Variants in HDGFL2 observed in about 807,000 individuals in gnomAD.
The protein encoded by HDGFL2 is HDGF like 2.
In HDGFL2, 36 loss-of-function variants were observed where a neutral mutation model predicts 77.1. The observed-to-expected ratio is 0.47, with a 90% CI of 0.36 to 0.62. The LOEUF (loss-of-function observed/expected upper bound fraction) is 0.62, where lower values mean the gene tolerates loss of function less well. Ranked by LOEUF, HDGFL2 falls within the 20% of genes least tolerant of loss-of-function variation. The pLI is 0.00. For missense variants in HDGFL2, 976 were observed against 973.4 expected, an observed-to-expected ratio of 1.00 and a Z score of -0.04; for synonymous variants, 463 against 413.1, an observed-to-expected ratio of 1.12 and a Z score of -1.46.
chr19:4,477,637 C>G (rs1221313890), intron 3 of HDGFL2, among the ~76,000 whole-genome samples: 1 of 152,162 alleles, frequency 6.6e-6, no homozygotes, highest in African/African-American at 2.4e-5. Flanking sequence ...CTACAGCTTG[C>G]TAAGCATTAT....
chr19:4,474,099 G>A (rs1402358772), intron 1 of HDGFL2, among the ~76,000 whole-genome samples: 1 of 152,056 alleles, frequency 6.6e-6, no homozygotes, highest in Admixed American at 6.5e-5. Flanking sequence ...GGGACCCCAG[G>A]CTATTGTCAT....
intron 3 of HDGFL2, among the ~76,000 whole-genome samples, chr19:4,483,322 C>T (rs904138763): frequency 1.3e-5 from 2 of 152,114 alleles, no homozygotes; most frequent in Non-Finnish European, 2.9e-5. Context: ...GGCTGGTGTG[C>T]GCCTGCTGTG....
chr19:4,495,528 C>T (rs141009461), intron 9 of HDGFL2, among the ~76,000 whole-genome samples: 26 of 151,814 alleles, frequency 1.7e-4, no homozygotes, highest in Non-Finnish European at 3.5e-4. Context: ...GGAGGAACAG[C>T]GAGGTGGCCT....
chr19:4,477,934 G>A (rs530792840), intron 3 of HDGFL2, among the ~76,000 whole-genome samples: 23 of 152,018 alleles, frequency 1.5e-4, no homozygotes, highest in African/African-American at 5.3e-4. Context: ...ACAAAAATTA[G>A]CTGGGCGTGG....
chr19:4,490,237 G>A (rs772220425), intron 4 of HDGFL2, among the ~76,000 whole-genome samples: 4 of 152,126 alleles, frequency 2.6e-5, no homozygotes, highest in East Asian at 1.9e-4. Flanking sequence ...ACAGGGGCCC[G>A]CTACCACGTC....
intron 14 of HDGFL2, 118 bp downstream of exon 14, chr19:4,499,822 G>C: frequency 1.2e-6 from 1 of 855,784 alleles, no homozygotes; most frequent in Non-Finnish European, 1.8e-6. Flanking sequence ...ACCTGCCAGA[G>C]TGTCATGTCC....
Position 4,475,331 on chromosome 19 carries a change from T to A in HDGFL2, c.129T>A (p.Phe43Leu), listed in dbSNP as rs1484894946. 5.6e-6 allele frequency: 9 copies of A among 1,613,892 alleles called. No individual in the cohort carries two copies. Among genetic ancestry groups the A allele is most frequent in the African/African-American group, 1.3e-5 (1 of 74,888 alleles). The change falls in exon 2 of 16, where the codon TTT becomes TTA. Residue 43 changes from phenylalanine (F) to leucine (L), a missense_variant. Physicochemically the swap from Phe to Leu is conservative, Grantham distance 22 (BLOSUM62 0). Transcript: ENST00000616600. ...VKPPPNKYPI[F>L]FFGTHETAFL... ...CCCCACCCAACAAGTACCCCATCTT[T>A]TTCTTTGGCACACACGAAACGTAAG...
At position 4,488,266 on chromosome 19, in the gene HDGFL2, C is replaced by T. The variant is rs533512090; in HGVS notation, c.289-410C>T. On this transcript the variant is annotated intron_variant, in intron 3 of 15. Transcript: ENST00000616600. ...GATTATAGGCGTGAGCCTCCGCGCC[C>T]GGCCAGGGCAGCCATTTCTGGACCT... Among the ~76,000 whole-genome samples, 345 of 152,352 alleles carry T rather than the reference C, an allele frequency of 2.3e-3. 1 individual carries two copies. The highest frequency in any genetic ancestry group is 7.8e-3 in the African/African-American group (326 of 41,592).
chr19:4,472,896 G>T (rs183601054), intron 1 of HDGFL2, among the ~76,000 whole-genome samples: 121 of 151,126 alleles, frequency 8.0e-4, no homozygotes, highest in African/African-American at 2.6e-3. Flanking sequence ...CCGCGCCCCG[G>T]GGTCTGGGGG....
intron 10 of HDGFL2, chr19:4,496,981 C>G (rs1477882520): frequency 5.4e-6 from 2 of 366,996 alleles, no homozygotes; most frequent in Non-Finnish European, 1.1e-5. Flanking sequence ...TCAAGCGATT[C>G]TCCTGCCTCA....
At position 4,491,687 on chromosome 19, in the gene HDGFL2, G is replaced by A; in HGVS notation, c.606+5G>A. The A allele has an allele frequency of 6.2e-7, 1 of 1,613,914 alleles. No homozygotes were observed. Among genetic ancestry groups the A allele is most frequent in the Non-Finnish European group, 8.5e-7 (1 of 1,179,878 alleles). On this transcript the variant is annotated splice_donor_5th_base_variant and intron_variant, in intron 5 of 15. Coordinates refer to ENST00000616600, the MANE Select transcript of HDGFL2 (RefSeq NM_001001520.3). ...TCGGAGAAGACCAGCGACCAGGTGG[G>A]CCAGTGGCTCCTTGGGATGGCAGGG...
Position 4,491,826 on chromosome 19 carries a change from GAAA to G in HDGFL2, c.675_677del (p.Lys227del), listed in dbSNP as rs1219916331. On this transcript the variant is annotated inframe_deletion, in exon 6 of 16. Transcript: ENST00000616600. Reference sequence around the variant, plus strand: ...CACGGAGGGGCCCTCTGGGGGGACGGAAAAAAAAGGTAGCGTGCACTTGACTTT... The same window carrying G: ...CACGGAGGGGCCCTCTGGGGGGACGGAAAAAGGTAGCGTGCACTTGACTTT... 1 of 1,612,468 alleles carries G rather than the reference GAAA, an allele frequency of 6.2e-7. No homozygotes were observed. Among genetic ancestry groups the G allele is most frequent in the Non-Finnish European group, 8.5e-7 (1 of 1,179,074 alleles).
chr19:4,481,226 T>C (rs1975208780), intron 3 of HDGFL2, among the ~76,000 whole-genome samples: 1 of 145,702 alleles, frequency 6.9e-6, no homozygotes, highest in Non-Finnish European at 1.5e-5. Context: ...AGTCTTGCTC[T>C]GTCGCCCAGG....
At chr19:4,476,800 G>C (rs1461105573) in intron 3 of HDGFL2, among the ~76,000 whole-genome samples, 1 of 151,970 alleles carries the variant, frequency 6.6e-6, no homozygotes, top group Non-Finnish European at 1.5e-5. Flanking sequence ...GCCTTACTCT[G>C]AGTATTCTGG....
At chr19:4,479,435 A>G (rs1037340694) in intron 3 of HDGFL2, among the ~76,000 whole-genome samples, 7 of 151,704 alleles carry the variant, frequency 4.6e-5, no homozygotes, top group African/African-American at 1.7e-4. Context: ...AAAAATACAG[A>G]AAGTTAGCCG....
intron 6 of HDGFL2, among the ~76,000 whole-genome samples, chr19:4,492,795 T>G (rs116339325): frequency 0.066 from 9,649 of 145,660 alleles, 353 homozygotes; most frequent in African/African-American, 0.1. Flanking sequence ...TGGTGTGTGT[T>G]TCTGGTCTGT....
At chr19:4,491,037 C>T (rs1401964977) in intron 4 of HDGFL2, among the ~76,000 whole-genome samples, 5 of 151,948 alleles carry the variant, frequency 3.3e-5, no homozygotes, top group South Asian at 2.1e-4. Flanking sequence ...CTCAAACTCC[C>T]GACCTCAGGT....
chr19:4,492,733 G>A (rs1446033200), intron 6 of HDGFL2, among the ~76,000 whole-genome samples: 1 of 141,398 alleles, frequency 7.1e-6, no homozygotes, highest in East Asian at 2.1e-4. Context: ...TGTGTGTGGT[G>A]TATGTGTGTT....
At position 4,499,601 on chromosome 19, in the gene HDGFL2, C is replaced by T. The variant is rs368826096; in HGVS notation, c.1686C>T (p.Asn562=). 352 of 1,609,244 alleles carry T rather than the reference C, an allele frequency of 2.2e-4. No individual in the cohort carries two copies. Among genetic ancestry groups the T allele is most frequent in the Non-Finnish European group, 2.4e-4 (283 of 1,177,844 alleles). Residue 562 remains asparagine (N), a synonymous_variant, in exon 14 of 16, where the codon AAC becomes AAT. Coordinates refer to ENST00000616600, the MANE Select transcript of HDGFL2 (RefSeq NM_001001520.3). ...GPKIEAVQKV[N]KAGMEKEKAE... is the part of the protein sequence containing the mutation. The stretch of plus-strand genomic sequence containing the variant: ...AGATCGAGGCGGTGCAGAAAGTGAA[C>T]AAGGCTGGGATGGAGAAGGAGAAGG...
Sources: allele counts gnomAD v4.1 joint callset (sites outside exome capture counted in the v4.1 genomes callset), GRCh38; gene constraint gnomAD v4.1.1; transcripts MANE v1.5; gene names NCBI Gene and HGNC (gene_info 2026-07-23, HGNC 2026-07-21).